Variants in RAPGEF2 observed in about 807,000 individuals in gnomAD.
RAPGEF2 encodes the protein Rap guanine nucleotide exchange factor 2.
Under a neutral mutation model 186.7 loss-of-function variants are expected in RAPGEF2, and 54 were observed. The ratio of observed to expected loss-of-function variants is 0.29; its 90% CI spans 0.23 to 0.36. The LOEUF (loss-of-function observed/expected upper bound fraction) is 0.36, where lower values mean the gene tolerates loss of function less well. RAPGEF2 is among the 10% of genes least tolerant of loss of function. The pLI is 1.00. For synonymous variants in RAPGEF2, 712 were observed against 705.9 expected, an observed-to-expected ratio of 1.01 and a Z score of -0.14; for missense variants, 1,532 against 2,045.0, an observed-to-expected ratio of 0.75 and a Z score of 4.84.
intron 7 of RAPGEF2, among the ~76,000 whole-genome samples, chr4:159,298,040 C>A (rs146513502): frequency 2.1e-4 from 32 of 152,264 alleles, no homozygotes; most frequent in African/African-American, 7.2e-4. Flanking sequence ...TAAGTAATTA[C>A]AAATTGTTAA....
chr4:159,326,804 T>C (rs1297304515), intron 11 of RAPGEF2: 1 of 152,320 alleles, frequency 6.6e-6, no homozygotes, highest in Non-Finnish European at 1.5e-5. Context: ...TTTTACCCTC[T>C]TACTCCCTTT....
At position 159,207,128 on chromosome 4, in the gene RAPGEF2, A is replaced by C. The variant is rs147545790; in HGVS notation, c.198-3372A>C. 3.8e-3 allele frequency among the ~76,000 whole-genome samples: 574 copies of C among 152,338 alleles called. 3 individuals are homozygous for C. Among genetic ancestry groups the C allele is most frequent in the African/African-American group, 0.012 (516 of 41,580 alleles). On this transcript the variant is annotated intron_variant, in intron 3 of 29. Coordinates refer to ENST00000691494, the MANE Select transcript of RAPGEF2 (RefSeq NM_001394067.2). The stretch of plus-strand genomic sequence containing the variant: ...TACTAAAGCAAATATAACTCTTGCA[A>C]GTTAGCTTTGGATTCTTTGGGGAAT...
chr4:159,290,863 A>T (rs1761113521), intron 7 of RAPGEF2, among the ~76,000 whole-genome samples: 1 of 152,192 alleles, frequency 6.6e-6, no homozygotes, highest in South Asian at 2.1e-4. Flanking sequence ...ACAAATGTTC[A>T]GTCAGTTCTT....
intron 3 of RAPGEF2, among the ~76,000 whole-genome samples, chr4:159,203,560 G>A (rs905884196): frequency 6.6e-6 from 1 of 152,144 alleles, no homozygotes. Context: ...GGAACTAGAA[G>A]GATGAGTAAT....
intron 1 of RAPGEF2, among the ~76,000 whole-genome samples, chr4:159,128,133 T>G (rs1740573807): frequency 6.6e-6 from 1 of 152,208 alleles, no homozygotes; most frequent in Admixed American, 6.5e-5. Context: ...TACTTTAAAT[T>G]GTACGTTCTA....
At chr4:159,155,861 G>T (rs527592672) in intron 1 of RAPGEF2, among the ~76,000 whole-genome samples, 8 of 150,716 alleles carry the variant, frequency 5.3e-5, no homozygotes, top group African/African-American at 1.5e-4. Flanking sequence ...CACAAATTTT[G>T]ATATGTTTTA....
intron 1 of RAPGEF2, among the ~76,000 whole-genome samples, chr4:159,116,973 G>A (rs1005053760): frequency 3.3e-5 from 5 of 152,010 alleles, no homozygotes; most frequent in South Asian, 2.1e-4. Flanking sequence ...AACCACCATG[G>A]CACACTGTTA....
chr4:159,299,017 A>G (rs1579828920), intron 7 of RAPGEF2, among the ~76,000 whole-genome samples: 1 of 152,204 alleles, frequency 6.6e-6, no homozygotes, highest in African/African-American at 2.4e-5. Context: ...AATAGAAAAT[A>G]TGTCTAGGAA....
intron 28 of RAPGEF2, among the ~76,000 whole-genome samples, chr4:159,354,698 T>A (rs1731704145): frequency 6.6e-6 from 1 of 152,234 alleles, no homozygotes; most frequent in Admixed American, 6.5e-5. Flanking sequence ...ATGAGCTTCA[T>A]AATTTCTACT....
In RAPGEF2 at chr4:159,343,015, G is replaced by T. The variant is rs371813864; in HGVS notation, c.2955G>T (p.Thr985=). ...TGGCACCAGTGGCAAGACTGCGAACGACCTGGGAGAAACTTCCCAATAAAT... is the reference window on the plus strand; with the variant it reads ...TGGCACCAGTGGCAAGACTGCGAACTACCTGGGAGAAACTTCCCAATAAAT... ...LNLAPVARLR[T]TWEKLPNKYE... is the part of the protein sequence containing the mutation. The change falls in exon 21 of 30, where the codon ACG becomes ACT. Residue 985 remains threonine (T), a synonymous_variant. Transcript: ENST00000691494. 2 of 1,613,916 alleles carry T rather than the reference G, an allele frequency of 1.2e-6. No individual in the cohort carries two copies. The highest frequency in any genetic ancestry group is 1.7e-6 in the Non-Finnish European group (2 of 1,179,918).
chr4:159,255,311 A>G (rs78693546), intron 7 of RAPGEF2, among the ~76,000 whole-genome samples: 2,094 of 148,816 alleles, frequency 0.014, 65 homozygotes, highest in African/African-American at 0.049. Context: ...CCCTTACCTT[A>G]TTTCTAGAAT....
At chr4:159,131,519 A>ATTGGTTTTTT in intron 1 of RAPGEF2, among the ~76,000 whole-genome samples, 29 of 37,212 alleles carry the variant, frequency 7.8e-4, no homozygotes, top group Admixed American at 1.3e-3. Context: ...ATTAATTGCT[A>ATTGGTTTTTT]TTTTTTTTTT....
chr4:159,275,512 A>G (rs1758746831), intron 7 of RAPGEF2, among the ~76,000 whole-genome samples: 1 of 152,134 alleles, frequency 6.6e-6, no homozygotes, highest in African/African-American at 2.4e-5. Context: ...CTTATTTCAT[A>G]TGTATGTGTA....
chr4:159,331,868 T>C (rs1196543350), intron 15 of RAPGEF2, 35 bp downstream of exon 15: 3 of 1,600,884 alleles, frequency 1.9e-6, no homozygotes, highest in Non-Finnish European at 2.6e-6. Context: ...AGGGTGAATT[T>C]TGGTGTCTGG....
chr4:159,180,514 C>T (rs1295040661), intron 1 of RAPGEF2, among the ~76,000 whole-genome samples: 2 of 152,152 alleles, frequency 1.3e-5, no homozygotes, highest in Non-Finnish European at 2.9e-5. Flanking sequence ...GTAGTCTTTT[C>T]CCCTAGTTTA....
At chr4:159,166,187 A>C (rs1745293237) in intron 1 of RAPGEF2, among the ~76,000 whole-genome samples, 1 of 151,978 alleles carries the variant, frequency 6.6e-6, no homozygotes, top group African/African-American at 2.4e-5. Context: ...GGTGGCGGGC[A>C]CCTGTAGTCC....
chr4:159,261,088 A>G (rs1425323425), intron 7 of RAPGEF2, among the ~76,000 whole-genome samples: 1 of 137,844 alleles, frequency 7.3e-6, no homozygotes, highest in South Asian at 2.3e-4. Context: ...TTTTAGACGG[A>G]GTCACTCTGT....
intron 7 of RAPGEF2, among the ~76,000 whole-genome samples, chr4:159,255,947 C>T (rs1457083603): frequency 6.6e-6 from 1 of 152,092 alleles, no homozygotes; most frequent in Non-Finnish European, 1.5e-5. Flanking sequence ...TTTTTTTATA[C>T]ACTTGCTCTA....
At chr4:159,157,782 AT>A (rs1251115628) in intron 1 of RAPGEF2, among the ~76,000 whole-genome samples, 3 of 152,158 alleles carry the variant, frequency 2.0e-5, no homozygotes, top group Admixed American at 6.5e-5. Context: ...CTCCCAACAT[AT>A]CTCTGCTGCT....
Sources: gnomAD v4.1 joint callset for allele counts (sites outside exome capture counted in the v4.1 genomes callset) on GRCh38, gnomAD v4.1.1 for gene constraint, MANE v1.5 for transcripts, NCBI Gene and HGNC (gene_info 2026-07-23, HGNC 2026-07-21) for gene names.